Variants in VCF2 observed in about 807,000 individuals in gnomAD.
VCF2 encodes the protein protein VCF2.
the VCF2 span, chrX:55,143,917 G>T: frequency 1.0e-6 from 1 of 966,434 alleles, no homozygotes; most frequent in South Asian, 2.2e-5. Context: ...TATTTACTAG[G>T]ACAAGAGATT....
chrX:55,150,484 T>C, the VCF2 span, among the ~76,000 whole-genome samples: 1 of 111,752 alleles, frequency 8.9e-6, no homozygotes, highest in Admixed American at 9.5e-5. Context: ...TATTTCTCGC[T>C]TGCCCACCAC....
At chrX:55,156,748 TA>T in the VCF2 span, among the ~76,000 whole-genome samples, 1 of 111,591 alleles carries the variant, frequency 9.0e-6, no homozygotes, top group East Asian at 2.8e-4. Context: ...ATTAAATTTA[TA>T]ATAGAATCTA....
At chrX:55,155,245 T>G in the VCF2 span, among the ~76,000 whole-genome samples, 1,015 of 111,891 alleles carry the variant, frequency 9.1e-3, 9 homozygotes, top group African/African-American at 0.031. Flanking sequence ...CTCTAAGAAG[T>G]CTGTACAAAC....
the VCF2 span, among the ~76,000 whole-genome samples, chrX:55,152,867 G>T: frequency 8.9e-6 from 1 of 111,770 alleles, no homozygotes; most frequent in African/African-American, 3.3e-5. Flanking sequence ...ACAGGTGTCA[G>T]ACAGAAAGTC....
the VCF2 span, among the ~76,000 whole-genome samples, chrX:55,157,294 A>T: frequency 1.8e-5 from 2 of 112,423 alleles, no homozygotes; most frequent in African/African-American, 6.5e-5. Flanking sequence ...GCACTTTGGG[A>T]GGCCGAGGCG....
chrX:55,159,980 T>C, the VCF2 span, among the ~76,000 whole-genome samples: 1 of 111,941 alleles, frequency 8.9e-6, no homozygotes, highest in African/African-American at 3.2e-5. Context: ...TGGCTGAGTT[T>C]ACTCATTTTT....
At chrX:55,156,220 G>A in the VCF2 span, among the ~76,000 whole-genome samples, 1 of 111,512 alleles carries the variant, frequency 9.0e-6, no homozygotes, top group Non-Finnish European at 1.9e-5. Flanking sequence ...CCAAAGTGCT[G>A]GGATTACAGG....
chrX:55,157,940 A>G, the VCF2 span, among the ~76,000 whole-genome samples: 1 of 112,741 alleles, frequency 8.9e-6, no homozygotes, highest in East Asian at 2.8e-4. Flanking sequence ...TGTAAGTCTT[A>G]TACCTATGTA....
the VCF2 span, among the ~76,000 whole-genome samples, chrX:55,155,697 G>A: frequency 9.0e-6 from 1 of 111,199 alleles, no homozygotes; most frequent in African/African-American, 3.3e-5. Context: ...ATTTAAAAGA[G>A]AGGGAAAAGA....
the VCF2 span, chrX:55,143,822 A>C: frequency 6.6e-6 from 8 of 1,208,289 alleles, no homozygotes; most frequent in Non-Finnish European, 9.0e-6. Context: ...ATTGAGTTTT[A>C]TTTCAGGACC....
At chrX:55,161,145 G>A in the VCF2 span, 23 of 1,206,795 alleles carry the variant, frequency 1.9e-5, no homozygotes, top group South Asian at 1.6e-4. Context: ...ACCGTACAGG[G>A]CAGCCTCCCA....
At chrX:55,159,844 T>G in the VCF2 span, among the ~76,000 whole-genome samples, 2 of 112,582 alleles carry the variant, frequency 1.8e-5, no homozygotes, top group Non-Finnish European at 3.8e-5. Context: ...AGATTACATC[T>G]TCAGTTTCAA....
At chrX:55,155,083 G>C in the VCF2 span, among the ~76,000 whole-genome samples, 1 of 111,863 alleles carries the variant, frequency 8.9e-6, no homozygotes, top group Non-Finnish European at 1.9e-5. Flanking sequence ...GTGACAAATG[G>C]AGAGAGCAAT....
At chrX:55,160,297 T>C in the VCF2 span, among the ~76,000 whole-genome samples, 1 of 112,662 alleles carries the variant, frequency 8.9e-6, no homozygotes, top group Non-Finnish European at 1.9e-5. Context: ...TGGTGATGTT[T>C]GTCTTTGATC....
the VCF2 span, among the ~76,000 whole-genome samples, chrX:55,156,651 A>T: frequency 8.9e-6 from 1 of 112,472 alleles, no homozygotes; most frequent in East Asian, 2.8e-4. Flanking sequence ...TGATGGGGTA[A>T]ATAATCAATG....
chrX:55,157,986 G>T, the VCF2 span, among the ~76,000 whole-genome samples: 1 of 112,393 alleles, frequency 8.9e-6, no homozygotes, highest in Non-Finnish European at 1.9e-5. Flanking sequence ...GGTATAATTT[G>T]TAAGATGTAT....
chrX:55,160,883 T>C, the VCF2 span: 2 of 1,155,964 alleles, frequency 1.7e-6, no homozygotes, highest in South Asian at 1.9e-5. Flanking sequence ...AACCAGCATG[T>C]TCTTTCGGAG....
At chrX:55,146,301 C>T in the VCF2 span, 1 of 1,206,813 alleles carries the variant, frequency 8.3e-7, no homozygotes, top group Non-Finnish European at 1.1e-6. Flanking sequence ...TTCATTATCA[C>T]TCCATGAAAA....
the VCF2 span, among the ~76,000 whole-genome samples, chrX:55,153,211 C>A: frequency 8.9e-6 from 1 of 112,063 alleles, no homozygotes; most frequent in South Asian, 3.8e-4. Context: ...CAGGTGCGTG[C>A]TTAATCTTGG....
Sources: allele counts gnomAD v4.1 joint callset (sites outside exome capture counted in the v4.1 genomes callset), GRCh38; gene constraint gnomAD v4.1.1; transcripts MANE v1.5; gene names NCBI Gene and HGNC (gene_info 2026-07-23, HGNC 2026-07-21).